MMP28: variants seen among roughly 807,000 people sequenced by gnomAD.
MMP28 encodes matrix metallopeptidase 28, also known as matrix metalloproteinase-28.
Under a neutral mutation model 60.5 loss-of-function variants are expected in MMP28, and 55 were observed. That is an observed-to-expected ratio of 0.91 (90% CI 0.73 to 1.14). The LOEUF is 1.14. MMP28 is among the 50% of genes most tolerant of loss of function. MMP28 has a pLI of 0.00. For synonymous variants in MMP28, 318 were observed against 312.5 expected (o/e 1.02, Z -0.18); for missense variants, 686 against 738.3 (o/e 0.93, Z 0.82).
At chr17:35,787,636 G>T (rs374718473) in intron 1 of MMP28, among the ~76,000 whole-genome samples, 40 of 152,190 alleles carry the variant, frequency 2.6e-4, no homozygotes, top group Middle Eastern at 3.4e-3. Context: ...GATTACAGGC[G>T]TACACACCAT....
chr17:35,787,899 C>CTTTTT (rs532350874), intron 1 of MMP28, among the ~76,000 whole-genome samples: 39 of 104,410 alleles, frequency 3.7e-4, no homozygotes, highest in East Asian at 6.5e-4. Context: ...TTTTCTTTCC[C>CTTTTT]TTTTTTTTTT....
intron 2 of MMP28, among the ~76,000 whole-genome samples, chr17:35,759,353 G>A (rs782167096): frequency 2.0e-5 from 3 of 152,150 alleles, no homozygotes; most frequent in South Asian, 2.1e-4. Context: ...GAAAATAGAC[G>A]TAGTGCCTCC....
chr17:35,783,073 G>T (rs962729628), intron 1 of MMP28, among the ~76,000 whole-genome samples: 5 of 152,090 alleles, frequency 3.3e-5, no homozygotes, highest in Non-Finnish European at 5.9e-5. Context: ...TGATCCCCCC[G>T]CCTCAGCCTC....
In MMP28 at chr17:35,772,703, C is replaced by G. The variant is rs145142352; in HGVS notation, c.604+477G>C. ...TCAGGTTGGGGACAAACAGAACTAT[C>G]TGTGGCGTAGGTATATGAAGCACTT... On this transcript the variant is annotated intron_variant, in intron 4 of 7. Coordinates refer to ENST00000605424, the MANE Select transcript of MMP28 (RefSeq NM_024302.5). Among the ~76,000 whole-genome samples the G allele has an allele frequency of 2.8e-3, 425 of 152,316 alleles. 3 individuals are homozygous for G. Among genetic ancestry groups the G allele is most frequent in the African/African-American group, 9.8e-3 (408 of 41,574 alleles).
chr17:35,780,492 C>T (rs545395317), intron 1 of MMP28, among the ~76,000 whole-genome samples: 7 of 152,212 alleles, frequency 4.6e-5, no homozygotes, highest in Admixed American at 6.5e-5. Flanking sequence ...TTTATTCATT[C>T]GTTAATTAAT....
chr17:35,763,900 A>ATAAATAAATAAG (rs2085876322), downstream of MMP28: 1 of 591,656 alleles, frequency 1.7e-6, no homozygotes, highest in Non-Finnish European at 2.3e-6. Context: ...CTGTCTCAAA[A>ATAAATAAATAAG]TAAATAAATA....
chr17:35,764,146 G>A (rs1342187031), downstream of MMP28: 1 of 1,549,234 alleles, frequency 6.5e-7, no homozygotes, highest in Non-Finnish European at 8.7e-7. Context: ...CGGAGGGCGA[G>A]GAGCCGCCGC....
In MMP28 at chr17:35,771,723, AT is replaced by A. The variant is rs2086155113; in HGVS notation, c.605-1412del. 9.8e-5 allele frequency among the ~76,000 whole-genome samples: 6 copies of A among 61,378 alleles called. 1 individual carries two copies. Among genetic ancestry groups the A allele is most frequent in the African/African-American group, 3.3e-4 (6 of 17,978 alleles). The allele number at this position is 61,378 out of a possible 152,430, so 40.3% of individuals were successfully genotyped here. On this transcript the variant is annotated intron_variant, in intron 4 of 7. Transcript: ENST00000605424. ...TATATATATATATATATATATATATATATATATATATATATATATATATATA... is the reference window on the plus strand; with the variant it reads ...TATATATATATATATATATATATATAATATATATATATATATATATATATA...
intron 3 of MMP28, 101 bp from the exon 4 acceptor site, chr17:35,773,505 G>T: frequency 9.5e-7 from 1 of 1,047,448 alleles, no homozygotes; most frequent in Non-Finnish European, 1.4e-6. Context: ...TCCCCCAGCA[G>T]CCCCTCGTCT....
At chr17:35,762,491 G>C (rs998444728), downstream of MMP28, among the ~76,000 whole-genome samples, 3 of 152,100 alleles carry the variant, frequency 2.0e-5, no homozygotes, top group Non-Finnish European at 2.9e-5. Context: ...GGAACTTTCT[G>C]CTGGGGCTAC....
chr17:35,764,035 A>T (rs1164833170), downstream of MMP28: 1 of 1,547,198 alleles, frequency 6.5e-7, no homozygotes, highest in Non-Finnish European at 8.7e-7. Flanking sequence ...GGAAGAAGGA[A>T]ACGGAAGAGC....
At chr17:35,781,493 C>G (rs1404249015) in intron 1 of MMP28, among the ~76,000 whole-genome samples, 3 of 152,152 alleles carry the variant, frequency 2.0e-5, no homozygotes, top group Non-Finnish European at 4.4e-5. Context: ...TCTCAGGGTC[C>G]AGGTACCTTT....
Position 35,770,141 on chromosome 17 carries a change from G to T in MMP28, c.776C>A (p.Ala259Glu). The stretch of plus-strand genomic sequence containing the variant: ...GCGGCCCAGCCTCTTGTAGTAGGGC[G>T]CCATGAGCGCGCGCGGCGCGGGCGA... ...THSPAPRALM[A>E]PYYKRLGRDA... The change falls in exon 5 of 8, where the codon GCG becomes GAG. Residue 259 changes from alanine to glutamate, a missense_variant. Coordinates refer to ENST00000605424, the MANE Select transcript of MMP28 (RefSeq NM_024302.5). 1 of 1,607,098 alleles carries T rather than the reference G, an allele frequency of 6.2e-7. No homozygotes were observed. The highest frequency in any genetic ancestry group is 8.5e-7 in the Non-Finnish European group (1 of 1,177,592).
chr17:35,776,514 T>A (rs1375400492), intron 3 of MMP28, among the ~76,000 whole-genome samples: 1 of 152,180 alleles, frequency 6.6e-6, no homozygotes, highest in Non-Finnish European at 1.5e-5. Flanking sequence ...AAAAACTATC[T>A]GTTGTTCATC....
At chr17:35,772,609 A>G (rs996024224) in intron 4 of MMP28, among the ~76,000 whole-genome samples, 1 of 152,240 alleles carries the variant, frequency 6.6e-6, no homozygotes, top group Non-Finnish European at 1.5e-5. Context: ...CAAACAGCCT[A>G]TATTCAGGTT....
At chr17:35,774,948 C>A (rs1055818410) in intron 3 of MMP28, among the ~76,000 whole-genome samples, 1 of 152,190 alleles carries the variant, frequency 6.6e-6, no homozygotes, top group Non-Finnish European at 1.5e-5. Flanking sequence ...GTCTCCCAGG[C>A]TCTTTCTTTC....
chr17:35,764,368 C>A, downstream of MMP28: 2 of 1,453,160 alleles, frequency 1.4e-6, no homozygotes, highest in Non-Finnish European at 1.8e-6. Flanking sequence ...GAGGCGGTGC[C>A]CGGGCCCCAG....
chr17:35,790,904 T>TA (rs1466469819), intron 1 of MMP28, among the ~76,000 whole-genome samples: 4 of 150,702 alleles, frequency 2.7e-5, no homozygotes, highest in East Asian at 2.0e-4. Context: ...TTTTTTTTTT[T>TA]AAATGTGTAG....
At position 35,778,771 on chromosome 17, in the gene MMP28, G is replaced by C; in HGVS notation, c.379+117C>G. 2 of 1,581,298 alleles carry C rather than the reference G, an allele frequency of 1.3e-6. 1 individual carries two copies. Among genetic ancestry groups the C allele is most frequent in the South Asian group, 2.3e-5 (2 of 86,202 alleles). ...GAGGTCCTATTCACCCACTCCTCCCGTGCCCTAGGGAAGAGAGGTTACTGA... is the reference window on the plus strand; with the variant it reads ...GAGGTCCTATTCACCCACTCCTCCCCTGCCCTAGGGAAGAGAGGTTACTGA... On this transcript the variant is annotated intron_variant, in intron 3 of 7. Coordinates refer to ENST00000605424, the MANE Select transcript of MMP28 (RefSeq NM_024302.5).
Sources: allele counts gnomAD v4.1 joint callset (sites outside exome capture counted in the v4.1 genomes callset), GRCh38; gene constraint gnomAD v4.1.1; transcripts MANE v1.5; gene names NCBI Gene and HGNC (gene_info 2026-07-23, HGNC 2026-07-21).